Variants in OGN observed in about 807,000 individuals in gnomAD.
OGN encodes osteoglycin, also known as mimecan.
In OGN, 19 loss-of-function variants were observed where a neutral mutation model predicts 30.8. The observed-to-expected ratio is 0.62, with a 90% confidence interval of 0.43 to 0.90. The LOEUF (loss-of-function observed/expected upper bound fraction) is 0.90. OGN is among the 40% of genes least tolerant of loss of function. The pLI is 0.00. For missense variants in OGN, 283 were observed against 349.7 expected (o/e 0.81, Z 1.52); for synonymous variants, 126 against 128.3 (o/e 0.98, Z 0.12).
chr9:92,402,499 T>C (rs1020682917), intron 2 of OGN, among the ~76,000 whole-genome samples: 16 of 152,214 alleles, frequency 1.1e-4, no homozygotes, highest in African/African-American at 3.6e-4. Context: ...GGGCAACAGA[T>C]ACTTAAGTGC....
chr9:92,390,409 CAT>C (rs1385277551), intron 4 of OGN, among the ~76,000 whole-genome samples: 2 of 152,172 alleles, frequency 1.3e-5, no homozygotes, highest in East Asian at 1.9e-4. Context: ...TGATTGGAAT[CAT>C]GTAATTTTTT....
In OGN at chr9:92,383,757, A is replaced by G. The variant is rs994634088; in HGVS notation, c.*1863T>C. 1.3e-4 allele frequency among the ~76,000 whole-genome samples: 20 copies of G among 152,194 alleles called. No individual in the cohort carries two copies. The highest frequency in any genetic ancestry group is 4.3e-4 in the African/African-American group (18 of 41,554). On this transcript the variant is annotated 3_prime_UTR_variant, in exon 7 of 7. Transcript: ENST00000375561. ...ATTCTGGAATTCATACCTTTTACCAATGTTCTTTCTCCCTTATCATTATCT... is the reference window on the plus strand; with the variant it reads ...ATTCTGGAATTCATACCTTTTACCAGTGTTCTTTCTCCCTTATCATTATCT...
chr9:92,386,828 C>T (rs950759880), intron 5 of OGN, among the ~76,000 whole-genome samples: 4 of 151,820 alleles, frequency 2.6e-5, no homozygotes, highest in Admixed American at 2.6e-4. Flanking sequence ...GTGATCTGCC[C>T]GCCTCAGCCT....
intron 3 of OGN, 75 bp from the exon 4 acceptor site, chr9:92,393,319 C>T (rs1190995307): frequency 8.5e-7 from 1 of 1,169,612 alleles, no homozygotes; most frequent in Non-Finnish European, 1.2e-6. Context: ...AAAATTATTG[C>T]TATTATGAAT....
intron 5 of OGN, among the ~76,000 whole-genome samples, chr9:92,388,011 G>T (rs1842505079): frequency 6.6e-6 from 1 of 151,866 alleles, no homozygotes; most frequent in South Asian, 2.1e-4. Context: ...CAATCTGCCC[G>T]CCTTGGCCTC....
intron 3 of OGN, 60 bp from the exon 4 acceptor site, chr9:92,393,304 G>A: frequency 1.5e-6 from 2 of 1,348,262 alleles, no homozygotes; most frequent in Non-Finnish European, 2.0e-6. Flanking sequence ...TTCTCCTCTA[G>A]TAGTAAAATT....
At chr9:92,400,376 C>A (rs963009696) in intron 3 of OGN, among the ~76,000 whole-genome samples, 1 of 152,148 alleles carries the variant, frequency 6.6e-6, no homozygotes, top group Admixed American at 6.5e-5. Flanking sequence ...GTCTTGAACT[C>A]CTGACCTCGT....
intron 3 of OGN, 87 bp from the exon 4 acceptor site, chr9:92,393,331 CT>C: frequency 9.9e-7 from 1 of 1,007,836 alleles, no homozygotes; most frequent in Non-Finnish European, 1.4e-6. Context: ...ATTATGAATG[CT>C]ATTACTAATT....
rs537121559 is a variant in OGN at position 92,387,990 on chromosome 9, T to C, written c.631-1694A>G. ...TGTTGCCCAGGCTGGTCTCGAACTC[T>C]TGAGCTCAGGCAATCTGCCCGCCTT... On this transcript the variant is annotated intron_variant, in intron 5 of 6. Transcript: ENST00000375561. 1.2e-4 allele frequency among the ~76,000 whole-genome samples: 18 copies of C among 150,862 alleles called. No individual in the cohort carries two copies. The East Asian group carries it at 3.4e-3, about 28-fold the overall frequency.
intron 4 of OGN, among the ~76,000 whole-genome samples, chr9:92,391,164 A>G (rs1842662902): frequency 6.6e-6 from 1 of 151,860 alleles, no homozygotes; most frequent in African/African-American, 2.4e-5. Flanking sequence ...TGGGAGGCCA[A>G]GGTGGGCGGA....
At position 92,384,826 on chromosome 9, in the gene OGN, C is replaced by T. The variant is rs1842360414; in HGVS notation, c.*794G>A. The T allele has an allele frequency of 6.6e-6, 1 of 151,876 alleles. No homozygotes were observed. The highest frequency in any genetic ancestry group is 1.5e-5 in the Non-Finnish European group (1 of 67,950). The allele number at this position is 151,876 out of a possible 1,614,324, so 9.4% of individuals were successfully genotyped here. A position where few individuals can be genotyped will look rare whatever the true frequency, so the allele number is the denominator to read the frequency against. On this transcript the variant is annotated 3_prime_UTR_variant, in exon 7 of 7. Transcript: ENST00000375561. ...GTTATCTCGTATTTGAAAGACTTTG[C>T]CATAGAGAACTTTATCAGAAATGGA... is the stretch of plus-strand genomic sequence containing the variant.
At chr9:92,399,246 TTCAA>T (rs1843011165) in intron 3 of OGN, among the ~76,000 whole-genome samples, 1 of 152,198 alleles carries the variant, frequency 6.6e-6, no homozygotes, top group South Asian at 2.1e-4. Flanking sequence ...TTCAATTTTT[TTCAA>T]TCAGATAGGT....
At chr9:92,396,471 A>T (rs1842894180) in intron 3 of OGN, among the ~76,000 whole-genome samples, 1 of 151,910 alleles carries the variant, frequency 6.6e-6, no homozygotes, top group African/African-American at 2.4e-5. Flanking sequence ...AATCTTCTAG[A>T]CCTCGAACAT....
In OGN at chr9:92,385,025, CATTT is replaced by C. The variant is rs1842366819; in HGVS notation, c.*591_*594del. The C allele has an allele frequency of 2.0e-5, 3 of 152,418 alleles. No individual in the cohort carries two copies. Among genetic ancestry groups the C allele is most frequent in the African/African-American group, 7.2e-5 (3 of 41,384 alleles). 9.4% of individuals were successfully genotyped at this position (152,418 alleles called of 1,614,324 possible). ...GTATTAGCTCTTTATCAGAGAATAACATTTATTTTATTTGGAAAGTTTTCCTAAA... is the reference window on the plus strand; with the variant it reads ...GTATTAGCTCTTTATCAGAGAATAACATTTTATTTGGAAAGTTTTCCTAAA... On this transcript the variant is annotated 3_prime_UTR_variant, in exon 7 of 7. Coordinates refer to ENST00000375561, the MANE Select transcript of OGN (RefSeq NM_014057.5).
At chr9:92,392,359 C>T (rs1029696958) in intron 4 of OGN, among the ~76,000 whole-genome samples, 5 of 152,148 alleles carry the variant, frequency 3.3e-5, no homozygotes, top group Non-Finnish European at 7.4e-5. Context: ...CATGGTGGCT[C>T]ACGCCTGTAT....
chr9:92,388,655 A>G (rs988066997), intron 5 of OGN, among the ~76,000 whole-genome samples: 1 of 151,904 alleles, frequency 6.6e-6, no homozygotes, highest in Non-Finnish European at 1.5e-5. Context: ...AGCCTGGCCA[A>G]CACCCATCTC....
chr9:92,391,240 C>T (rs1842666797), intron 4 of OGN, among the ~76,000 whole-genome samples: 1 of 148,822 alleles, frequency 6.7e-6, no homozygotes. Context: ...ACTAAAAATA[C>T]CAAAAAAAAA....
At chr9:92,388,001 C>T (rs1472134027) in intron 5 of OGN, among the ~76,000 whole-genome samples, 2 of 151,212 alleles carry the variant, frequency 1.3e-5, no homozygotes, top group African/African-American at 2.4e-5. Flanking sequence ...TGAGCTCAGG[C>T]AATCTGCCCG....
chr9:92,397,999 G>A (rs1026179390), intron 3 of OGN, among the ~76,000 whole-genome samples: 23 of 151,948 alleles, frequency 1.5e-4, no homozygotes, highest in Admixed American at 3.9e-4. Context: ...CCACCTTTCC[G>A]TATTTGTAAT....
Sources: gnomAD v4.1 joint callset for allele counts (sites outside exome capture counted in the v4.1 genomes callset) on GRCh38, gnomAD v4.1.1 for gene constraint, MANE v1.5 for transcripts, NCBI Gene and HGNC (gene_info 2026-07-23, HGNC 2026-07-21) for gene names.